Variants in ABCA5 observed in about 807,000 individuals in gnomAD.
The protein encoded by ABCA5 is cholesterol transporter ABCA5.
ABCA5 carries 163 observed loss-of-function variants against 206.0 expected under a neutral mutation model. That is an observed-to-expected ratio of 0.79 (90% CI 0.70 to 0.90). The LOEUF is 0.90. Among genes scored for constraint, ABCA5 ranks in the 40% least tolerant of loss-of-function variants. The pLI, the probability that ABCA5 is intolerant of heterozygous loss-of-function variation, is 0.00. For missense variants in ABCA5, 1,859 were observed against 1,912.9 expected (o/e 0.97, Z 0.53); for synonymous variants, 609 against 613.8 (o/e 0.99, Z 0.11).
chr17:69,273,447 C>CTATTTATTTATTTATTTATT (rs144553920), intron 20 of ABCA5, among the ~76,000 whole-genome samples: 9,477 of 144,684 alleles, frequency 0.066, 349 homozygotes, highest in African/African-American at 0.07. Flanking sequence ...ATTTTTTTAA[C>CTATTTATTTATTTATTTATT]TATTTATTTA....
chr17:69,320,689 C>T (rs1301348046), intron 1 of ABCA5, among the ~76,000 whole-genome samples: 2 of 152,146 alleles, frequency 1.3e-5, no homozygotes, highest in African/African-American at 2.4e-5. Flanking sequence ...AACTTCAAAG[C>T]TATAGTCAGG....
At chr17:69,255,903 G>C (rs1022639970) in intron 29 of ABCA5, 53 bp from the exon 30 acceptor site, 44 of 1,421,192 alleles carry the variant, frequency 3.1e-5, no homozygotes, top group Non-Finnish European at 4.2e-5. Context: ...ATCATGAAAT[G>C]ACAGGCTGCA....
At position 69,282,783 on chromosome 17, in the gene ABCA5, A is replaced by G. The variant is rs528478087; in HGVS notation, c.2392+1170T>C. On this transcript the variant is annotated intron_variant, in intron 18 of 38. Transcript: ENST00000392676. ...CAAGACTCAAAAAAAAAAAAAAAAA[A>G]GGAAAAAACTCATGCCTGCATTCCT... Among the ~76,000 whole-genome samples the G allele has an allele frequency of 1.6e-3, 221 of 133,948 alleles. 2 individuals are homozygous for G. Among genetic ancestry groups the G allele is most frequent in the African/African-American group, 5.7e-3 (210 of 36,920 alleles). The allele number at this position is 133,948 out of a possible 152,430, so 87.9% of individuals were successfully genotyped here. A position where few individuals can be genotyped will look rare whatever the true frequency, so the allele number is the denominator to read the frequency against.
chr17:69,250,758 A>G (rs2075003401), intron 35 of ABCA5, 137 bp from the exon 36 acceptor site: 2 of 524,144 alleles, frequency 3.8e-6, no homozygotes, highest in Admixed American at 4.0e-5. Context: ...CAGCATCCCC[A>G]TACACTCTTT....
intron 28 of ABCA5, among the ~76,000 whole-genome samples, chr17:69,258,987 C>A (rs2075115349): frequency 6.6e-6 from 1 of 151,886 alleles, no homozygotes; most frequent in Non-Finnish European, 1.5e-5. Flanking sequence ...GAAAATAGAA[C>A]CCTAAAACAT....
chr17:69,262,611 C>T (rs968908629), intron 24 of ABCA5, among the ~76,000 whole-genome samples: 2 of 152,098 alleles, frequency 1.3e-5, no homozygotes, highest in Non-Finnish European at 2.9e-5. Flanking sequence ...ATATGTACCA[C>T]ACTTTCTTTA....
Position 69,313,161 on chromosome 17 carries a change from C to G in ABCA5, c.238G>C (p.Gly80Arg). 6.2e-7 allele frequency: 1 copy of G among 1,610,436 alleles called. No homozygotes were observed. The highest frequency in any genetic ancestry group is 1.1e-5 in the South Asian group (1 of 90,740). ...DKFTLSNLIL[G>R]YTPVTNITSS... The stretch of plus-strand genomic sequence containing the variant: ...GTAATATTAGTCACTGGAGTATATC[C>G]AAGAATTAGATTAGAAAGAGTAAAC... Residue 80 changes from glycine (G) to arginine (R), a missense_variant, in exon 3 of 39, where the codon GGA (glycine) becomes CGA (arginine). Physicochemically the swap from Gly to Arg is moderately radical, Grantham distance 125. Transcript: ENST00000392676.
intron 24 of ABCA5, among the ~76,000 whole-genome samples, chr17:69,263,225 C>T (rs1043388278): frequency 2.0e-5 from 3 of 152,136 alleles, no homozygotes; most frequent in Non-Finnish European, 4.4e-5. Flanking sequence ...TGCAGAAGCT[C>T]TTTAGTTTAA....
intron 29 of ABCA5, 26 bp downstream of exon 29, chr17:69,256,131 T>A (rs1229641985): frequency 6.5e-7 from 1 of 1,533,238 alleles, no homozygotes; most frequent in Non-Finnish European, 8.7e-7. Flanking sequence ...ATATTTACTA[T>A]GACTTAGCCA....
chr17:69,276,938 G>T (rs2075338859), intron 19 of ABCA5, among the ~76,000 whole-genome samples: 1 of 152,144 alleles, frequency 6.6e-6, no homozygotes, highest in Non-Finnish European at 1.5e-5. Context: ...TATAAATTTA[G>T]CATATTCCAA....
chr17:69,301,130 T>C lies in ABCA5; in HGVS notation c.1267+9A>G, dbSNP rs1434468929. Reference sequence around the variant, plus strand: ...TCTTTAAAGTAAAATTCAAAAACCATCTGCATACCTGGAATGACTTGATCA... The same window carrying C: ...TCTTTAAAGTAAAATTCAAAAACCACCTGCATACCTGGAATGACTTGATCA... On this transcript the variant is annotated intron_variant, in intron 9 of 38. Coordinates refer to ENST00000392676, the MANE Select transcript of ABCA5 (RefSeq NM_172232.4). 3 of 1,492,796 alleles carry C rather than the reference T, an allele frequency of 2.0e-6. No homozygotes were observed. Among genetic ancestry groups the C allele is most frequent in the African/African-American group, 2.9e-5 (2 of 69,060 alleles). 92.5% of individuals were successfully genotyped at this position (1,492,796 alleles called of 1,614,324 possible). A position where few individuals can be genotyped will look rare whatever the true frequency, so the allele number is the denominator to read the frequency against.
chr17:69,280,651 T>C (rs1259403575), intron 18 of ABCA5, among the ~76,000 whole-genome samples: 3 of 150,614 alleles, frequency 2.0e-5, no homozygotes, highest in Non-Finnish European at 3.0e-5. Flanking sequence ...CCAACAATGA[T>C]AGACTGGATT....
At chr17:69,252,966 A>G (rs1334554951) in intron 34 of ABCA5, among the ~76,000 whole-genome samples, 2 of 152,246 alleles carry the variant, frequency 1.3e-5, no homozygotes, top group Non-Finnish European at 2.9e-5. Flanking sequence ...TTTATAATGT[A>G]TCTTTTCTGT....
At chr17:69,310,788 G>A (rs931167448) in intron 3 of ABCA5, among the ~76,000 whole-genome samples, 3 of 152,264 alleles carry the variant, frequency 2.0e-5, no homozygotes, top group Admixed American at 6.5e-5. Context: ...AACTGTGTGA[G>A]CACAGACAGG....
intron 27 of ABCA5, 62 bp from the exon 28 acceptor site, chr17:69,259,859 T>A (rs2075126874): frequency 9.1e-7 from 1 of 1,098,218 alleles, no homozygotes; most frequent in East Asian, 2.5e-5. Flanking sequence ...TGTTGTTTTT[T>A]CCTTTGCCAA....
chr17:69,314,400 T>C lies in ABCA5; in HGVS notation c.16A>G (p.Arg6Gly). Residue 6 changes from arginine to glycine, a missense_variant, in exon 2 of 39, where the codon AGG (arginine) becomes GGG (glycine). Physicochemically the swap from Arg to Gly is moderately radical, Grantham distance 125. Transcript: ENST00000392676. Reference protein sequence around the residue: MSTAIREVGVWRQTRT... With the variant: MSTAIGEVGVWRQTRT... ...GTCTGTCTCCAAACTCCTACCTCCC[T>C]AATTGCAGTGGACATGTTTTCTGAA... The C allele has an allele frequency of 6.2e-7, 1 of 1,611,308 alleles. No homozygotes were observed. The highest frequency in any genetic ancestry group is 8.5e-7 in the Non-Finnish European group (1 of 1,178,002).
At position 69,245,898 on chromosome 17, in the gene ABCA5, T is replaced by A. The variant is rs887535290; in HGVS notation, c.*1639A>T. 6.6e-6 allele frequency: 1 copy of A among 152,006 alleles called. No homozygotes were observed. Among genetic ancestry groups the A allele is most frequent in the Non-Finnish European group, 1.5e-5 (1 of 67,868 alleles). The allele number at this position is 152,006 out of a possible 1,614,324, so 9.4% of individuals were successfully genotyped here. A position where few individuals can be genotyped will look rare whatever the true frequency, so the allele number is the denominator to read the frequency against. ...GATGGTCAGGTTCTAAAAAAAACTA[T>A]GCTTTTTCGTGACTGCCTTAGTAAA... On this transcript the variant is annotated 3_prime_UTR_variant, in exon 39 of 39. Coordinates refer to ENST00000392676, the MANE Select transcript of ABCA5 (RefSeq NM_172232.4).
At chr17:69,251,657 TACTA>T in intron 35 of ABCA5, 86 bp downstream of exon 35, 5 of 1,475,630 alleles carry the variant, frequency 3.4e-6, no homozygotes, top group Non-Finnish European at 4.5e-6. Context: ...ACATTTAAAT[TACTA>T]ACTATTGCCA....
chr17:69,247,840 GAT>G (rs969005342), intron 38 of ABCA5, among the ~76,000 whole-genome samples, 196 bp from the exon 39 acceptor site: 15 of 151,910 alleles, frequency 9.9e-5, no homozygotes, highest in African/African-American at 2.7e-4. Flanking sequence ...TAGATTAATA[GAT>G]ATGTTTTTTA....
Sources: allele counts gnomAD v4.1 joint callset (sites outside exome capture counted in the v4.1 genomes callset), GRCh38; gene constraint gnomAD v4.1.1; transcripts MANE v1.5; gene names NCBI Gene and HGNC (gene_info 2026-07-23, HGNC 2026-07-21).